Variants in LOC128462377 observed in about 807,000 individuals in gnomAD.
the LOC128462377 span, among the ~76,000 whole-genome samples, chr16:89,363,040 G>A: frequency 1.3e-5 from 2 of 151,996 alleles, no homozygotes; most frequent in South Asian, 2.1e-4. Context: ...AACTGCTGGC[G>A]AGTGTACCCT....
the LOC128462377 span, among the ~76,000 whole-genome samples, chr16:89,404,524 G>C: frequency 6.6e-6 from 1 of 152,182 alleles, no homozygotes; most frequent in Non-Finnish European, 1.5e-5. Context: ...CAGTTTGAAG[G>C]GTATGGGGTA....
chr16:89,385,229 AC>A, the LOC128462377 span, among the ~76,000 whole-genome samples: 3 of 143,636 alleles, frequency 2.1e-5, no homozygotes, highest in Non-Finnish European at 4.6e-5. Context: ...TCCCTCTGTC[AC>A]CCAGGCTGGA....
At chr16:89,403,673 TA>T in the LOC128462377 span, 4 of 152,228 alleles carry the variant, frequency 2.6e-5, no homozygotes, top group African/African-American at 9.7e-5. Context: ...CACGTGCCTT[TA>T]ATCACAGCTA....
At chr16:89,374,871 T>G in the LOC128462377 span, among the ~76,000 whole-genome samples, 3 of 152,046 alleles carry the variant, frequency 2.0e-5, no homozygotes, top group African/African-American at 7.3e-5. Context: ...CTGAAAAACT[T>G]ATTAGAGATT....
At chr16:89,390,990 A>C in the LOC128462377 span, among the ~76,000 whole-genome samples, 1 of 152,154 alleles carries the variant, frequency 6.6e-6, no homozygotes, top group Non-Finnish European at 1.5e-5. Flanking sequence ...GCATTTTGGG[A>C]GGCCGAGGTG....
the LOC128462377 span, among the ~76,000 whole-genome samples, chr16:89,375,097 C>T: frequency 1.3e-5 from 2 of 152,112 alleles, no homozygotes; most frequent in East Asian, 3.9e-4. Flanking sequence ...AACGTAACGT[C>T]GCAGGCTCAA....
At chr16:89,345,176 A>T in the LOC128462377 span, among the ~76,000 whole-genome samples, 1 of 152,156 alleles carries the variant, frequency 6.6e-6, no homozygotes, top group Non-Finnish European at 1.5e-5. Context: ...AACCACAAAA[A>T]GACACTGTAC....
the LOC128462377 span, among the ~76,000 whole-genome samples, chr16:89,369,303 C>G: frequency 2.6e-5 from 4 of 152,232 alleles, no homozygotes; most frequent in African/African-American, 9.6e-5. Context: ...ACTCGCAGGT[C>G]TGTGTTCACA....
the LOC128462377 span, among the ~76,000 whole-genome samples, chr16:89,407,135 G>A: frequency 6.6e-6 from 1 of 151,826 alleles, no homozygotes; most frequent in Non-Finnish European, 1.5e-5. Context: ...GCGGTGAGTT[G>A]AGACGTGCCA....
chr16:89,390,352 C>T, the LOC128462377 span, among the ~76,000 whole-genome samples: 5 of 151,584 alleles, frequency 3.3e-5, no homozygotes, highest in East Asian at 1.9e-4. Flanking sequence ...GGGCGAACAC[C>T]GAGTGTGGCG....
chr16:89,359,534 C>G, the LOC128462377 span, among the ~76,000 whole-genome samples: 1 of 152,206 alleles, frequency 6.6e-6, no homozygotes, highest in African/African-American at 2.4e-5. Context: ...CTCCTTGTTC[C>G]GGCCCTGCAG....
At chr16:89,397,023 A>ATT in the LOC128462377 span, among the ~76,000 whole-genome samples, 14 of 147,216 alleles carry the variant, frequency 9.5e-5, no homozygotes, top group South Asian at 4.3e-4. Context: ...AAAATACAGG[A>ATT]TTTTTTTTTT....
chr16:89,408,866 A>C, the LOC128462377 span, among the ~76,000 whole-genome samples: 1 of 152,258 alleles, frequency 6.6e-6, no homozygotes, highest in African/African-American at 2.4e-5. Flanking sequence ...AAAAGAGAAC[A>C]TAAGTGAAGA....
chr16:89,390,971 G>T, the LOC128462377 span, among the ~76,000 whole-genome samples: 9 of 152,198 alleles, frequency 5.9e-5, no homozygotes, highest in Admixed American at 5.9e-4. Context: ...GCTCACGCCT[G>T]TAATCACAGC....
At chr16:89,354,312 C>CT in the LOC128462377 span, among the ~76,000 whole-genome samples, 1 of 151,714 alleles carries the variant, frequency 6.6e-6, no homozygotes, top group East Asian at 1.9e-4. Flanking sequence ...GAAAAGCCTC[C>CT]TTTTCCTTCT....
the LOC128462377 span, among the ~76,000 whole-genome samples, chr16:89,333,407 G>A: frequency 1.3e-5 from 2 of 152,108 alleles, no homozygotes; most frequent in African/African-American, 4.8e-5. Flanking sequence ...AGGGTCCACC[G>A]GGTGCTGTGC....
chr16:89,406,349 C>T, the LOC128462377 span, among the ~76,000 whole-genome samples: 5 of 152,124 alleles, frequency 3.3e-5, no homozygotes, highest in Non-Finnish European at 5.9e-5. Flanking sequence ...CACGGGAAAC[C>T]CACACCTGGG....
chr16:89,359,453 G>A, the LOC128462377 span, among the ~76,000 whole-genome samples: 2 of 152,222 alleles, frequency 1.3e-5, no homozygotes, highest in East Asian at 1.9e-4. Flanking sequence ...CAGCGCACAC[G>A]TCTGCTGCAG....
chr16:89,368,230 C>G, the LOC128462377 span, among the ~76,000 whole-genome samples: 1 of 151,658 alleles, frequency 6.6e-6, no homozygotes, highest in African/African-American at 2.4e-5. Flanking sequence ...GATTCTTGCT[C>G]TGTTGCCCAG....
Sources: allele counts gnomAD v4.1 joint callset (sites outside exome capture counted in the v4.1 genomes callset), GRCh38; gene constraint gnomAD v4.1.1; transcripts MANE v1.5.